The following CAMK1D variants were observed in gnomAD, a reference collection of about 807,000 sequenced individuals.
The protein encoded by CAMK1D is calcium/calmodulin-dependent protein kinase type 1D.
Under a neutral mutation model 47.7 loss-of-function variants are expected in CAMK1D, and 9 were observed. The ratio of observed to expected loss-of-function variants is 0.19; its 90% CI spans 0.11 to 0.33. The LOEUF (loss-of-function observed/expected upper bound fraction) is 0.33. Among genes scored for constraint, CAMK1D ranks in the 10% least tolerant of loss-of-function variants. CAMK1D has a pLI of 1.00. For missense variants in CAMK1D, 291 were observed against 488.7 expected (o/e 0.60, Z 3.81); for synonymous variants, 184 against 184.9 (o/e 0.99, Z 0.04).
intron 2 of CAMK1D, among the ~76,000 whole-genome samples, chr10:12,592,340 T>C (rs964078141): frequency 1.3e-5 from 2 of 152,370 alleles, no homozygotes; most frequent in Admixed American, 1.3e-4. Context: ...TCAATATAGA[T>C]AGAAAGTCTG....
chr10:12,766,406 A>G (rs1217271694), intron 4 of CAMK1D, among the ~76,000 whole-genome samples: 1 of 109,860 alleles, frequency 9.1e-6, no homozygotes, highest in Non-Finnish European at 1.7e-5. Context: ...CTCTGTCCCC[A>G]GGTTGGAGTG....
At chr10:12,813,898 A>C (rs1832701418) in intron 6 of CAMK1D, among the ~76,000 whole-genome samples, 1 of 150,788 alleles carries the variant, frequency 6.6e-6, no homozygotes. Context: ...TCAGCCTCCC[A>C]AGTAGCTGGG....
intron 6 of CAMK1D, among the ~76,000 whole-genome samples, chr10:12,813,733 C>T (rs1402403540): frequency 1.3e-5 from 2 of 151,952 alleles, no homozygotes; most frequent in South Asian, 2.1e-4. Context: ...GCAACACACG[C>T]GGTACAGATT....
chr10:12,686,047 A>G (rs1367828763), intron 3 of CAMK1D, among the ~76,000 whole-genome samples: 1 of 152,200 alleles, frequency 6.6e-6, no homozygotes, highest in Non-Finnish European at 1.5e-5. Flanking sequence ...CACAGTGGCT[A>G]CAGTGAGAGC....
Position 12,578,212 on chromosome 10 carries a change from C to T in CAMK1D, c.224+24856C>T, listed in dbSNP as rs545653482. ...ACCTCAGCCTTCCAAGTAGCTGGGACTACAGGCATGCACCACCTTGCCTGG... is the reference window on the plus strand; with the variant it reads ...ACCTCAGCCTTCCAAGTAGCTGGGATTACAGGCATGCACCACCTTGCCTGG... On this transcript the variant is annotated intron_variant, in intron 2 of 10. Coordinates refer to ENST00000619168, the MANE Select transcript of CAMK1D (RefSeq NM_153498.4). Among the ~76,000 whole-genome samples the T allele has an allele frequency of 3.3e-5, 5 of 152,158 alleles. No homozygotes were observed. In the South Asian group the frequency reaches 1.0e-3, roughly 32 times the overall value.
intron 1 of CAMK1D, among the ~76,000 whole-genome samples, chr10:12,388,107 C>T (rs1588431145): frequency 6.6e-6 from 1 of 152,130 alleles, no homozygotes; most frequent in African/African-American, 2.4e-5. Flanking sequence ...GGATCGTCTC[C>T]AGAAATGCGC....
chr10:12,350,387 G>A (rs989059117), intron 1 of CAMK1D, among the ~76,000 whole-genome samples: 2 of 152,264 alleles, frequency 1.3e-5, no homozygotes, highest in African/African-American at 4.8e-5. Context: ...GCATCTGCAC[G>A]TACGAGGTGT....
At chr10:12,578,584 A>AAAAAAAAG (rs1837566366) in intron 2 of CAMK1D, among the ~76,000 whole-genome samples, 1 of 150,652 alleles carries the variant, frequency 6.6e-6, no homozygotes, top group Admixed American at 6.6e-5. Context: ...AAAAAAAAAA[A>AAAAAAAAG]AGTTTTGTAG....
intron 1 of CAMK1D, among the ~76,000 whole-genome samples, chr10:12,467,255 C>CGATTGT (rs3062693): frequency 0.33 from 49,952 of 151,408 alleles, 8,506 homozygotes; most frequent in East Asian, 0.52. Context: ...CGGGTTCAAG[C>CGATTGT]GATTGTCCTG....
At chr10:12,387,376 ATAT>A (rs1004207268) in intron 1 of CAMK1D, among the ~76,000 whole-genome samples, 1 of 32,878 alleles carries the variant, frequency 3.0e-5, no homozygotes, top group Non-Finnish European at 1.1e-4. Flanking sequence ...TATATATATT[ATAT>A]ATTATATATA....
At chr10:12,487,074 AC>A (rs2132111332) in intron 1 of CAMK1D, among the ~76,000 whole-genome samples, 2 of 152,234 alleles carry the variant, frequency 1.3e-5, no homozygotes, top group African/African-American at 4.8e-5. Flanking sequence ...ATATAGGTAA[AC>A]TCATGTCATG....
chr10:12,667,063 C>T (rs1415028699), intron 3 of CAMK1D: 1 of 402,120 alleles, frequency 2.5e-6, no homozygotes, highest in Non-Finnish European at 4.4e-6. Flanking sequence ...TGAATGTGAC[C>T]TTCCTGTTGC....
intron 3 of CAMK1D, among the ~76,000 whole-genome samples, chr10:12,721,303 C>T (rs1285484445): frequency 6.6e-6 from 1 of 152,206 alleles, no homozygotes; most frequent in East Asian, 1.9e-4. Flanking sequence ...CTAGCAATTT[C>T]TTCACTTCTT....
intron 1 of CAMK1D, among the ~76,000 whole-genome samples, chr10:12,416,696 G>T (rs918264182): frequency 6.6e-6 from 1 of 152,204 alleles, no homozygotes; most frequent in Non-Finnish European, 1.5e-5. Flanking sequence ...CTAGCACTGG[G>T]CGGTGGAGAG....
At chr10:12,587,746 TA>T (rs1297747688) in intron 2 of CAMK1D, among the ~76,000 whole-genome samples, 1 of 152,198 alleles carries the variant, frequency 6.6e-6, no homozygotes, top group Non-Finnish European at 1.5e-5. Flanking sequence ...CATATCATTT[TA>T]GAAAAATATT....
At chr10:12,395,653 G>T (rs139703126) in intron 1 of CAMK1D, among the ~76,000 whole-genome samples, 2 of 152,046 alleles carry the variant, frequency 1.3e-5, no homozygotes, top group Non-Finnish European at 2.9e-5. Context: ...AGTGGGTCAC[G>T]CCTGTAATCC....
chr10:12,765,594 C>T (rs1382225228), intron 4 of CAMK1D, among the ~76,000 whole-genome samples: 2 of 152,236 alleles, frequency 1.3e-5, no homozygotes, highest in African/African-American at 4.8e-5. Flanking sequence ...CGCGTGATCT[C>T]ATCAGATCCC....
chr10:12,379,002 G>A (rs1254551697), intron 1 of CAMK1D, among the ~76,000 whole-genome samples: 1 of 151,856 alleles, frequency 6.6e-6, no homozygotes, highest in African/African-American at 2.4e-5. Flanking sequence ...TGGAGACAAG[G>A]TTTCACCATA....
intron 1 of CAMK1D, among the ~76,000 whole-genome samples, chr10:12,389,187 G>T (rs889864975): frequency 1.9e-5 from 2 of 104,184 alleles, no homozygotes; most frequent in East Asian, 7.8e-4. Context: ...CTAGGGTGGC[G>T]TGGGGGTGTG....
Sources: gnomAD v4.1 joint callset for allele counts (sites outside exome capture counted in the v4.1 genomes callset) on GRCh38, gnomAD v4.1.1 for gene constraint, MANE v1.5 for transcripts, NCBI Gene and HGNC (gene_info 2026-07-23, HGNC 2026-07-21) for gene names.